The following GPHN variants were observed in gnomAD, a reference collection of about 807,000 sequenced individuals.
GPHN encodes the protein gephyrin.
Under a neutral mutation model 95.5 loss-of-function variants are expected in GPHN, and 17 were observed. That is an observed-to-expected ratio of 0.18 (90% CI 0.12 to 0.27). GPHN has a LOEUF of 0.27. Ranked by LOEUF, GPHN falls within the 10% of genes least tolerant of loss-of-function variation. The pLI is 1.00. For synonymous variants in GPHN, 320 were observed against 322.5 expected, an observed-to-expected ratio of 0.99 and a Z score of 0.08; for missense variants, 660 against 978.1, an observed-to-expected ratio of 0.67 and a Z score of 4.34.
chr14:67,376,155 A>G, the GPHN span, among the ~76,000 whole-genome samples: 16 of 130,244 alleles, frequency 1.2e-4, no homozygotes, highest in African/African-American at 6.3e-4. Context: ...TATTTGATCT[A>G]TGCGAGCACT....
At chr14:67,409,706 G>A in the GPHN span, among the ~76,000 whole-genome samples, 1 of 152,110 alleles carries the variant, frequency 6.6e-6, no homozygotes. Flanking sequence ...GTCCCTGCCT[G>A]TCTCTGGCTT....
chr14:66,599,228 C>T (rs920486001), intron 1 of GPHN, among the ~76,000 whole-genome samples: 5 of 151,856 alleles, frequency 3.3e-5, no homozygotes, highest in African/African-American at 1.2e-4. Flanking sequence ...GTAGGAAACA[C>T]GCATTTTTGG....
chr14:67,144,250 AAT>A (rs71129810), intron 18 of GPHN, among the ~76,000 whole-genome samples: 9,948 of 57,204 alleles, frequency 0.17, 917 homozygotes, highest in Non-Finnish European at 0.22. Context: ...AAAAAAAAAA[AAT>A]ATATATATAT....
intron 9 of GPHN, among the ~76,000 whole-genome samples, chr14:66,973,521 C>G (rs10136043): frequency 0.32 from 48,972 of 152,124 alleles, 12,455 homozygotes; most frequent in African/African-American, 0.69. Flanking sequence ...CACTTTGGAA[C>G]GCCAAGGCGG....
At chr14:67,198,220 C>T in the GPHN span, 26 of 1,613,900 alleles carry the variant, frequency 1.6e-5, no homozygotes, top group Admixed American at 3.3e-5. Flanking sequence ...GCTCTCTGCA[C>T]CCCACACTCC....
At chr14:67,312,390 C>A in the GPHN span, 1 of 557,316 alleles carries the variant, frequency 1.8e-6, no homozygotes, top group Non-Finnish European at 2.8e-6. Context: ...TTATCCTGGA[C>A]AACATACTGA....
chr14:67,715,458 T>TA, the GPHN span, among the ~76,000 whole-genome samples: 1 of 152,210 alleles, frequency 6.6e-6, no homozygotes, highest in African/African-American at 2.4e-5. Context: ...CCGATTGCTG[T>TA]AAGCCCTTGA....
At chr14:67,559,590 G>T in the GPHN span, 2 of 1,543,816 alleles carry the variant, frequency 1.3e-6, no homozygotes, top group Non-Finnish European at 1.8e-6. Flanking sequence ...TTAACGGAAG[G>T]CCCTCTCTTT....
At chr14:67,596,323 T>G in the GPHN span, among the ~76,000 whole-genome samples, 1 of 137,048 alleles carries the variant, frequency 7.3e-6, no homozygotes, top group African/African-American at 2.8e-5. Context: ...TTTTTTTTAG[T>G]AGAGATGGGG....
intron 10 of GPHN, among the ~76,000 whole-genome samples, chr14:67,047,909 G>A (rs1015436750): frequency 2.0e-5 from 3 of 152,170 alleles, no homozygotes; most frequent in South Asian, 2.1e-4. Flanking sequence ...GCAGTGAGCC[G>A]TGATCACGCA....
intron 4 of GPHN, among the ~76,000 whole-genome samples, chr14:66,846,885 A>G (rs1180985044): frequency 1.3e-5 from 2 of 152,262 alleles, no homozygotes; most frequent in East Asian, 1.9e-4. Flanking sequence ...CAACTCTTAT[A>G]CCAATAATGA....
At chr14:67,249,543 G>C in the GPHN span, among the ~76,000 whole-genome samples, 1 of 152,168 alleles carries the variant, frequency 6.6e-6, no homozygotes, top group African/African-American at 2.4e-5. Flanking sequence ...CAAACCAACA[G>C]ATGTGAAATA....
intron 4 of GPHN, among the ~76,000 whole-genome samples, chr14:66,869,469 C>G (rs895720058): frequency 5.3e-5 from 8 of 152,220 alleles, no homozygotes; most frequent in African/African-American, 1.9e-4. Context: ...AGCTCTTGCT[C>G]TCTTGTCCAT....
intron 2 of GPHN, among the ~76,000 whole-genome samples, chr14:66,695,472 G>GT (rs910713515): frequency 1.3e-5 from 2 of 152,184 alleles, no homozygotes; most frequent in African/African-American, 4.8e-5. Flanking sequence ...CAGTTCAGTG[G>GT]TTTTTTAACA....
chr14:67,688,824 T>C, the GPHN span, among the ~76,000 whole-genome samples: 1 of 152,168 alleles, frequency 6.6e-6, no homozygotes, highest in Non-Finnish European at 1.5e-5. Context: ...GCTAATTGTC[T>C]TTCTCCCCCG....
the GPHN span, among the ~76,000 whole-genome samples, chr14:67,443,765 T>C: frequency 6.6e-6 from 1 of 151,622 alleles, no homozygotes; most frequent in Non-Finnish European, 1.5e-5. Context: ...TGAGATAACA[T>C]CTCTAAAAAA....
At chr14:66,623,604 T>G (rs2063398843) in intron 1 of GPHN, among the ~76,000 whole-genome samples, 1 of 132,276 alleles carries the variant, frequency 7.6e-6, no homozygotes. Context: ...TGTGTTGGAG[T>G]GAGACTCTGT....
intron 22 of GPHN, 117 bp downstream of exon 22, chr14:67,179,791 A>G: frequency 1.4e-6 from 1 of 694,440 alleles, no homozygotes; most frequent in Non-Finnish European, 2.6e-6. Flanking sequence ...TTTCTTTTTG[A>G]AAAGTTAGAT....
chr14:67,392,931 G>T, the GPHN span: 1 of 1,191,652 alleles, frequency 8.4e-7, no homozygotes, highest in Non-Finnish European at 1.2e-6. Context: ...CACTGACCTT[G>T]GCCCTCTGGG....
Sources: allele counts gnomAD v4.1 joint callset (sites outside exome capture counted in the v4.1 genomes callset), GRCh38; gene constraint gnomAD v4.1.1; transcripts MANE v1.5; gene names NCBI Gene and HGNC (gene_info 2026-07-23, HGNC 2026-07-21).